Variants in EXT1 observed in about 807,000 individuals in gnomAD.
EXT1 encodes the protein exostosin glycosyltransferase 1.
A neutral mutation model predicts 82.5 loss-of-function variants in EXT1; 20 were observed. The observed-to-expected ratio is 0.24, with a 90% CI of 0.17 to 0.35. The LOEUF (loss-of-function observed/expected upper bound fraction) is 0.35, where lower values mean the gene tolerates loss of function less well. Ranked by LOEUF, EXT1 falls within the 10% of genes least tolerant of loss-of-function variation. The pLI is 1.00. For synonymous variants in EXT1, 348 were observed against 350.8 expected (o/e 0.99, Z 0.09); for missense variants, 757 against 936.5 (o/e 0.81, Z 2.50).
chr8:118,060,010 C>G (rs1352601738), intron 1 of EXT1, among the ~76,000 whole-genome samples: 1 of 152,120 alleles, frequency 6.6e-6, no homozygotes, highest in Admixed American at 6.6e-5. Context: ...CACTTAGAAC[C>G]ACACTGAACC....
intron 1 of EXT1, among the ~76,000 whole-genome samples, chr8:118,016,757 T>G (rs1229215948): frequency 6.6e-6 from 1 of 152,162 alleles, no homozygotes; most frequent in African/African-American, 2.4e-5. Context: ...AACCTACAAC[T>G]GAAAAGGCAC....
intron 1 of EXT1, among the ~76,000 whole-genome samples, chr8:118,090,962 GTTA>G (rs745474602): frequency 7.9e-5 from 12 of 152,022 alleles, no homozygotes; most frequent in Non-Finnish European, 1.5e-4. Context: ...TTTGCAGACA[GTTA>G]GCAAGGAGGC....
intron 1 of EXT1, among the ~76,000 whole-genome samples, chr8:117,980,688 G>T (rs1451428791): frequency 8.3e-6 from 1 of 119,886 alleles, no homozygotes; most frequent in Non-Finnish European, 1.6e-5. Flanking sequence ...TGTTTGTTCG[G>T]GTGTTGGTGG....
intron 1 of EXT1, among the ~76,000 whole-genome samples, chr8:118,045,807 C>A (rs28357308): frequency 1.3e-5 from 2 of 148,370 alleles, no homozygotes; most frequent in Non-Finnish European, 3.0e-5. Flanking sequence ...TTTTTCTTTT[C>A]TTTTTTGAGA....
At chr8:117,864,908 T>C (rs1812750067) in intron 1 of EXT1, among the ~76,000 whole-genome samples, 1 of 152,206 alleles carries the variant, frequency 6.6e-6, no homozygotes, top group Non-Finnish European at 1.5e-5. Context: ...ACTTCCTTCC[T>C]CTTCTCCAAA....
At chr8:117,926,066 G>C (rs932848306) in intron 1 of EXT1, among the ~76,000 whole-genome samples, 5 of 152,216 alleles carry the variant, frequency 3.3e-5, no homozygotes, top group South Asian at 2.1e-4. Context: ...CCATAGAAGA[G>C]ACCGCACTTG....
At chr8:117,806,080 T>C (rs1262970920) in intron 9 of EXT1, among the ~76,000 whole-genome samples, 1 of 152,226 alleles carries the variant, frequency 6.6e-6, no homozygotes, top group Non-Finnish European at 1.5e-5. Flanking sequence ...CTAGGCATCA[T>C]GCTAAAGCAT....
intron 1 of EXT1, among the ~76,000 whole-genome samples, chr8:117,916,399 C>G (rs1163136853): frequency 6.6e-6 from 1 of 152,238 alleles, no homozygotes; most frequent in African/African-American, 2.4e-5. Context: ...CGCACCCACA[C>G]AGTCACATCC....
chr8:118,064,253 ACATGC>A (rs1178279304), intron 1 of EXT1, among the ~76,000 whole-genome samples: 3 of 152,080 alleles, frequency 2.0e-5, no homozygotes, highest in African/African-American at 7.2e-5. Flanking sequence ...ATAGGTATAC[ACATGC>A]CATGGTGGTT....
At chr8:118,053,653 CGGT>C (rs950548888) in intron 1 of EXT1, among the ~76,000 whole-genome samples, 1 of 152,134 alleles carries the variant, frequency 6.6e-6, no homozygotes, top group African/African-American at 2.4e-5. Flanking sequence ...AGCAAATAAT[CGGT>C]GGCCTCAGTT....
rs1188458258 is a variant in EXT1, at chr8:118,110,619, A to G, written c.428T>C (p.Phe143Ser). 1.9e-6 allele frequency: 3 copies of G among 1,614,166 alleles called. No homozygotes were observed. Among genetic ancestry groups the G allele is most frequent in the Non-Finnish European group, 2.5e-6 (3 of 1,180,040 alleles). ...NILAAIEGSR[F>S]YTSDPSQACL... ...CGCCTGGCTGGGGTCCGAGGTGTAG[A>G]ACCTGGAGCCCTCGATGGCCGCTAG... Residue 143 changes from phenylalanine to serine, a missense_variant, in exon 1 of 11, where the codon TTC becomes TCC. Around this residue, in one of 4 missense-constraint regions of EXT1, gnomAD observed 247 missense variants for 330.1 expected, o/e 0.75. Coordinates refer to ENST00000378204, the MANE Select transcript of EXT1 (RefSeq NM_000127.3).
intron 1 of EXT1, among the ~76,000 whole-genome samples, chr8:118,102,396 G>C (rs1024828947): frequency 6.8e-6 from 1 of 147,758 alleles, no homozygotes; most frequent in African/African-American, 2.5e-5. Flanking sequence ...CAATTTACTA[G>C]AACAGAAAAA....
intron 1 of EXT1, among the ~76,000 whole-genome samples, chr8:118,048,376 T>G (rs941332476): frequency 6.6e-6 from 1 of 152,186 alleles, no homozygotes; most frequent in African/African-American, 2.4e-5. Context: ...AAAAGATCAA[T>G]ACCAAAACCC....
chr8:118,074,621 G>A (rs570785653), intron 1 of EXT1, among the ~76,000 whole-genome samples: 13 of 151,414 alleles, frequency 8.6e-5, no homozygotes, highest in South Asian at 2.1e-4. Context: ...ATTGAATTGA[G>A]CGAGCCCGGG....
chr8:117,830,565 G>A (rs955158915), intron 3 of EXT1, among the ~76,000 whole-genome samples: 5 of 152,220 alleles, frequency 3.3e-5, no homozygotes, highest in Admixed American at 6.5e-5. Flanking sequence ...GGCCTTTGAT[G>A]TATGAAAGTT....
At chr8:118,109,887 A>T (rs562324912) in intron 1 of EXT1, among the ~76,000 whole-genome samples, 198 bp downstream of exon 1, 3 of 152,128 alleles carry the variant, frequency 2.0e-5, no homozygotes, top group Non-Finnish European at 4.4e-5. Flanking sequence ...CAGGCTTTTC[A>T]GTTTGCCCGA....
At chr8:118,022,859 C>G (rs977130778) in intron 1 of EXT1, among the ~76,000 whole-genome samples, 4 of 151,994 alleles carry the variant, frequency 2.6e-5, no homozygotes, top group African/African-American at 9.7e-5. Context: ...CTGGGGAAGG[C>G]AGTAAAAATA....
Position 117,873,018 on chromosome 8 carries a change from A to G in EXT1, c.963-35817T>C, listed in dbSNP as rs547960997. ...TTCATATGTTGAAATCCTAACCCAA[A>G]TACCGATGGGATGATGATGTGGAGC... On this transcript the variant is annotated intron_variant, in intron 1 of 10. Transcript: ENST00000378204. 2.7e-4 allele frequency among the ~76,000 whole-genome samples: 41 copies of G among 152,280 alleles called. No individual in the cohort carries two copies. In the South Asian group the frequency reaches 7.7e-3, roughly 29 times the overall value.
At chr8:117,857,692 A>C (rs1812590063) in intron 1 of EXT1, among the ~76,000 whole-genome samples, 1 of 145,200 alleles carries the variant, frequency 6.9e-6, no homozygotes, top group Non-Finnish European at 1.5e-5. Context: ...TGAGCAACAG[A>C]ACAAAACTGA....
Sources: gnomAD v4.1 joint callset for allele counts (sites outside exome capture counted in the v4.1 genomes callset) on GRCh38, gnomAD v4.1.1 for gene constraint, gnomAD v4.1.1 regional missense constraint, MANE v1.5 for transcripts, NCBI Gene and HGNC (gene_info 2026-07-23, HGNC 2026-07-21) for gene names.